ARHGEF3: variants seen among roughly 807,000 people sequenced by gnomAD.
The protein encoded by ARHGEF3 is Rho guanine nucleotide exchange factor 3, also known as 59.8 kDA protein.
A neutral mutation model predicts 63.2 loss-of-function variants in ARHGEF3; 28 were observed. The observed-to-expected ratio is 0.44, with a 90% CI of 0.33 to 0.61. The LOEUF (loss-of-function observed/expected upper bound fraction) is 0.61. ARHGEF3 is among the 20% of genes least tolerant of loss of function. The pLI, the probability that ARHGEF3 is intolerant of heterozygous loss-of-function variation, is 0.03. For synonymous variants in ARHGEF3, 266 were observed against 254.2 expected (o/e 1.05, Z -0.44); for missense variants, 533 against 659.3 (o/e 0.81, Z 2.10).
intron 1 of ARHGEF3, among the ~76,000 whole-genome samples, chr3:57,063,601 G>A (rs1705359293): frequency 6.6e-6 from 1 of 152,242 alleles, no homozygotes; most frequent in African/African-American, 2.4e-5. Flanking sequence ...AGGAGGTTGG[G>A]GTGCTCCTTA....
intron 2 of ARHGEF3, among the ~76,000 whole-genome samples, chr3:57,034,545 T>A (rs1703869322): frequency 1.3e-5 from 2 of 151,590 alleles, no homozygotes; most frequent in Non-Finnish European, 2.9e-5. Context: ...CTTAGAAAAA[T>A]CCCATCATAC....
chr3:56,974,937 C>A (rs958502657), intron 2 of ARHGEF3, among the ~76,000 whole-genome samples: 3 of 152,136 alleles, frequency 2.0e-5, no homozygotes, highest in Non-Finnish European at 4.4e-5. Flanking sequence ...TGCCTTCCCA[C>A]GCACCGACAC....
At chr3:56,959,000 A>G in intron 2 of ARHGEF3, 1 of 1,166,396 alleles carries the variant, frequency 8.6e-7, no homozygotes. Context: ...GAAATGGCCC[A>G]AACAAGGTGG....
At chr3:56,924,387 G>A (rs537643818) in intron 3 of ARHGEF3, among the ~76,000 whole-genome samples, 16 of 152,282 alleles carry the variant, frequency 1.1e-4, no homozygotes, top group African/African-American at 2.6e-4. Flanking sequence ...TACTCCATGA[G>A]TCTCTGTGTT....
intron 1 of ARHGEF3, among the ~76,000 whole-genome samples, chr3:57,042,581 T>G (rs928644064): frequency 7.0e-6 from 1 of 142,690 alleles, no homozygotes; most frequent in Non-Finnish European, 1.5e-5. Context: ...AAATCATGGC[T>G]CCCCGCTCTC....
At chr3:57,005,007 A>C (rs937901196) in intron 2 of ARHGEF3, among the ~76,000 whole-genome samples, 5 of 151,538 alleles carry the variant, frequency 3.3e-5, no homozygotes, top group African/African-American at 9.7e-5. Context: ...TAATCCCTGA[A>C]ATAAATGGAG....
chr3:57,037,670 C>T (rs967953255), intron 1 of ARHGEF3, among the ~76,000 whole-genome samples: 5 of 152,170 alleles, frequency 3.3e-5, no homozygotes, highest in African/African-American at 9.7e-5. Context: ...GTCAGGAGAT[C>T]GAGACCATCC....
At chr3:56,950,964 T>G (rs1174326479) in intron 3 of ARHGEF3, among the ~76,000 whole-genome samples, 1 of 151,878 alleles carries the variant, frequency 6.6e-6, no homozygotes, top group Admixed American at 6.6e-5. Context: ...AAGTTATGAG[T>G]TCATGTCCTT....
rs71076009 is a variant in ARHGEF3, at chr3:57,000,310, C to CCACACACACACACA, written c.62+34764_62+34777dup. On this transcript the variant is annotated intron_variant, in intron 2 of 12. Transcript: ENST00000338458. Reference sequence around the variant, plus strand: ...AAGTCCTTTTTTTAGAGGGTAACTCCCACACACACACACACACACACACAC... The same window carrying CCACACACACACACA: ...AAGTCCTTTTTTTAGAGGGTAACTCCCACACACACACACACACACACACACACACACACACACAC... Among the ~76,000 whole-genome samples, 100 of 139,256 alleles carry CCACACACACACACA rather than the reference C, an allele frequency of 7.2e-4. 1 individual carries two copies. Among genetic ancestry groups the CCACACACACACACA allele is most frequent in the South Asian group, 1.8e-3 (8 of 4,448 alleles). 91.4% of individuals were successfully genotyped at this position (139,256 alleles called of 152,430 possible).
At chr3:56,876,849 C>T (rs1393838536) in intron 4 of ARHGEF3, among the ~76,000 whole-genome samples, 4 of 152,170 alleles carry the variant, frequency 2.6e-5, no homozygotes, top group Non-Finnish European at 5.9e-5. Context: ...CGTGTGGGCC[C>T]TGTCAGGGGC....
At chr3:56,856,163 G>T (rs2039874584) in intron 4 of ARHGEF3, among the ~76,000 whole-genome samples, 1 of 152,158 alleles carries the variant, frequency 6.6e-6, no homozygotes, top group Non-Finnish European at 1.5e-5. Context: ...CAGTCCTGGG[G>T]GGTGTCGCCA....
chr3:56,986,346 G>A (rs1343006325), intron 2 of ARHGEF3, among the ~76,000 whole-genome samples: 2 of 152,204 alleles, frequency 1.3e-5, no homozygotes, highest in Non-Finnish European at 2.9e-5. Context: ...TGAGACTGAA[G>A]GCAGCTCATC....
intron 1 of ARHGEF3, chr3:57,074,684 T>TA: frequency 5.1e-6 from 1 of 195,508 alleles, no homozygotes; most frequent in Non-Finnish European, 1.2e-5. Flanking sequence ...TCCCTCTGGG[T>TA]AAGTGCCACT....
chr3:56,816,128 T>C (rs112402160), intron 4 of ARHGEF3, among the ~76,000 whole-genome samples: 4,205 of 152,240 alleles, frequency 0.028, 128 homozygotes, highest in Non-Finnish European at 0.038. Context: ...GGCAAGAGGA[T>C]GGCTTGAGCC....
chr3:56,931,486 G>C (rs1335553906), intron 3 of ARHGEF3, among the ~76,000 whole-genome samples: 1 of 148,360 alleles, frequency 6.7e-6, no homozygotes, highest in African/African-American at 2.5e-5. Context: ...TGAGGTGGGA[G>C]GATCACCTGA....
intron 1 of ARHGEF3, among the ~76,000 whole-genome samples, chr3:56,796,254 A>C (rs951013580): frequency 2.6e-5 from 4 of 152,226 alleles, no homozygotes. Flanking sequence ...GTAGTTATGA[A>C]AACGGTGGCA....
chr3:56,825,437 C>A (rs1284877328), intron 4 of ARHGEF3, among the ~76,000 whole-genome samples: 1 of 152,150 alleles, frequency 6.6e-6, no homozygotes, highest in Non-Finnish European at 1.5e-5. Flanking sequence ...AAGAGGGAAA[C>A]AATCCCTCTC....
At chr3:57,055,737 C>A (rs1242814402) in intron 1 of ARHGEF3, among the ~76,000 whole-genome samples, 3 of 152,166 alleles carry the variant, frequency 2.0e-5, no homozygotes, top group Non-Finnish European at 4.4e-5. Flanking sequence ...GACACCCAAT[C>A]CTTTATCTGT....
intron 1 of ARHGEF3, among the ~76,000 whole-genome samples, chr3:57,077,294 A>T (rs1247444315): frequency 6.9e-6 from 1 of 145,012 alleles, no homozygotes; most frequent in Non-Finnish European, 1.5e-5. Context: ...GGCAGCCCCC[A>T]GTTTGTAGGG....
Sources: gnomAD v4.1 joint callset for allele counts (sites outside exome capture counted in the v4.1 genomes callset) on GRCh38, gnomAD v4.1.1 for gene constraint, MANE v1.5 for transcripts, NCBI Gene and HGNC (gene_info 2026-07-23, HGNC 2026-07-21) for gene names.